ZNF791: variants seen among roughly 807,000 people sequenced by gnomAD.
ZNF791 encodes the protein zinc finger protein 791.
In ZNF791, 4 loss-of-function variants were observed where a neutral mutation model predicts 11.5. The observed-to-expected ratio is 0.35, with a 90% CI of 0.17 to 0.80. The LOEUF (loss-of-function observed/expected upper bound fraction) is 0.80, where lower values mean the gene tolerates loss of function less well. ZNF791 is among the 30% of genes least tolerant of loss of function. The probability of loss-of-function intolerance (pLI) is 0.53; values close to 1 mark genes in which losing one functional copy is unlikely to be tolerated. For missense variants in ZNF791, 559 were observed against 699.4 expected (o/e 0.80, Z 2.26); for synonymous variants, 212 against 228.1 (o/e 0.93, Z 0.64).
intron 3 of ZNF791, among the ~76,000 whole-genome samples, chr19:12,625,025 G>C (rs1197379242): frequency 6.6e-6 from 1 of 151,764 alleles, no homozygotes; most frequent in Non-Finnish European, 1.5e-5. Flanking sequence ...ACTCCAGCCT[G>C]GGCAACAGAG....
In ZNF791 at chr19:12,611,591, C is replaced by G. The variant is rs60223162; in HGVS notation, c.3+509C>G. ...ACTCTTTGTCCTGTGTGGTGCATTT[C>G]AAACACACGCAGTATTTTAATAATC... On this transcript the variant is annotated intron_variant, in intron 1 of 3. Coordinates refer to ENST00000343325, the MANE Select transcript of ZNF791 (RefSeq NM_153358.3). Among the ~76,000 whole-genome samples the G allele has an allele frequency of 5.5e-3, 843 of 152,324 alleles. 7 individuals carry two copies. The highest frequency in any genetic ancestry group is 0.02 in the African/African-American group (814 of 41,572).
At position 12,631,758 on chromosome 19, in the gene ZNF791, T is replaced by G. The variant is rs1185271235; in HGVS notation, c.*2498T>G. 1 of 152,090 alleles carries G rather than the reference T, an allele frequency of 6.6e-6. No individual in the cohort carries two copies. The highest frequency in any genetic ancestry group is 1.5e-5 in the Non-Finnish European group (1 of 68,010). The allele number at this position is 152,090 out of a possible 1,614,324, so 9.4% of individuals were successfully genotyped here. The stretch of plus-strand genomic sequence containing the variant: ...CACACCAAAAAAAAGTTAAAAATTT[T>G]TTATCACTGGCTCATTCTTCAAGTA... On this transcript the variant is annotated 3_prime_UTR_variant, in exon 4 of 4. Coordinates refer to ENST00000343325, the MANE Select transcript of ZNF791 (RefSeq NM_153358.3).
intron 1 of ZNF791, among the ~76,000 whole-genome samples, chr19:12,619,949 A>C (rs559167607): frequency 6.6e-6 from 1 of 150,810 alleles, no homozygotes; most frequent in Admixed American, 6.6e-5. Context: ...TTTGAGACGG[A>C]GTCTCGCTCT....
In ZNF791 at chr19:12,612,228, G is replaced by A. The variant is rs1221304664; in HGVS notation, c.3+1146G>A. On this transcript the variant is annotated intron_variant, in intron 1 of 3. Coordinates refer to ENST00000343325, the MANE Select transcript of ZNF791 (RefSeq NM_153358.3). The stretch of plus-strand genomic sequence containing the variant: ...TTTCTTTTTTTTTTTTTTAACAGAT[G>A]GGGTCTGGCTGTGTTGCTCAGGCTG... 3.2e-5 allele frequency: 21 copies of A among 666,516 alleles called. No individual in the cohort carries two copies. In the Admixed American group the frequency reaches 1.4e-3, roughly 43 times the overall value. The allele number at this position is 666,516 out of a possible 1,614,324, so 41.3% of individuals were successfully genotyped here.
intron 1 of ZNF791, among the ~76,000 whole-genome samples, chr19:12,622,825 C>T (rs1041832083): frequency 7.0e-6 from 1 of 143,870 alleles, no homozygotes; most frequent in Non-Finnish European, 1.5e-5. Context: ...CCTGGAGGGG[C>T]GGAGGTTGCA....
In ZNF791 at chr19:12,631,232, T is replaced by C. The variant is rs1331688021; in HGVS notation, c.*1972T>C. 6.6e-6 allele frequency: 1 copy of C among 152,256 alleles called. No individual in the cohort carries two copies. The highest frequency in any genetic ancestry group is 2.4e-5 in the African/African-American group (1 of 41,476). The allele number at this position is 152,256 out of a possible 1,614,324, so 9.4% of individuals were successfully genotyped here. A position where few individuals can be genotyped will look rare whatever the true frequency, so the allele number is the denominator to read the frequency against. On this transcript the variant is annotated 3_prime_UTR_variant, in exon 4 of 4. Transcript: ENST00000343325. ...GTACAACAACATGTTGTATGGTTTA[T>C]AGCCTAGTAGCAATAGACTGTACCA...
rs1327224795 is a variant in ZNF791 at position 12,628,126 on chromosome 19, T to G, written c.597T>G (p.Cys199Trp). ...AGCAATGTGGAAAAGCTCTTAGTTG[T>G]TCCAGTTCGCTTCGAGTTCATGAAA... ...ECKQCGKALSCSSSLRVHERI... is the reference protein window; with the variant it reads ...ECKQCGKALSWSSSLRVHERI... The change falls in exon 4 of 4, where the codon TGT becomes TGG. Residue 199 changes from cysteine (C) to tryptophan (W), a missense_variant. Coordinates refer to ENST00000343325, the MANE Select transcript of ZNF791 (RefSeq NM_153358.3). 6.2e-7 allele frequency: 1 copy of G among 1,614,104 alleles called. No homozygotes were observed. Among genetic ancestry groups the G allele is most frequent in the African/African-American group, 1.3e-5 (1 of 74,942 alleles).
intron 1 of ZNF791, among the ~76,000 whole-genome samples, chr19:12,619,964 C>T (rs939719605): frequency 1.3e-5 from 2 of 150,106 alleles, no homozygotes; most frequent in Non-Finnish European, 1.5e-5. Flanking sequence ...CGCTCTGTCG[C>T]CCAGGTTGGA....
chr19:12,611,568 T>C (rs1237640270), intron 1 of ZNF791, among the ~76,000 whole-genome samples: 2 of 152,184 alleles, frequency 1.3e-5, no homozygotes, highest in Admixed American at 6.5e-5. Flanking sequence ...CGTCACCAAC[T>C]CTTTGTCCTG....
intron 1 of ZNF791, among the ~76,000 whole-genome samples, chr19:12,617,333 C>G (rs930208091): frequency 6.6e-6 from 1 of 151,304 alleles, no homozygotes; most frequent in East Asian, 1.9e-4. Flanking sequence ...ACCATGTTGG[C>G]CAGGCTGGTC....
chr19:12,618,800 T>C (rs2023284959), intron 1 of ZNF791, among the ~76,000 whole-genome samples: 2 of 137,318 alleles, frequency 1.5e-5, no homozygotes, highest in Admixed American at 7.8e-5. Context: ...GTGATTTGTT[T>C]ACCTCTCAGT....
intron 1 of ZNF791, among the ~76,000 whole-genome samples, chr19:12,622,544 G>A (rs2023369978): frequency 6.6e-6 from 1 of 151,796 alleles, no homozygotes. Flanking sequence ...AACACTTTGG[G>A]AGGCCGGGGC....
At chr19:12,618,149 A>C (rs1289414719) in intron 1 of ZNF791, among the ~76,000 whole-genome samples, 1 of 151,820 alleles carries the variant, frequency 6.6e-6, no homozygotes, top group Non-Finnish European at 1.5e-5. Flanking sequence ...AACTCCTGAC[A>C]TCAGGTGATC....
chr19:12,626,903 C>G (rs1053783126), intron 3 of ZNF791, among the ~76,000 whole-genome samples: 3 of 152,148 alleles, frequency 2.0e-5, no homozygotes, highest in African/African-American at 7.2e-5. Context: ...CTGTGCCCGC[C>G]CAGAAACAGT....
chr19:12,627,464 T>TA (rs1308879143), intron 3 of ZNF791, among the ~76,000 whole-genome samples: 1 of 151,262 alleles, frequency 6.6e-6, no homozygotes, highest in African/African-American at 2.4e-5. Context: ...ACGGCTTTAC[T>TA]AAAAATACAA....
At chr19:12,620,185 G>A (rs2023317754) in intron 1 of ZNF791, among the ~76,000 whole-genome samples, 1 of 152,012 alleles carries the variant, frequency 6.6e-6, no homozygotes, top group South Asian at 2.1e-4. Flanking sequence ...TTACAGGTGT[G>A]AGCCACCGCA....
chr19:12,617,738 TG>T (rs889003334), intron 1 of ZNF791, among the ~76,000 whole-genome samples: 8 of 150,682 alleles, frequency 5.3e-5, no homozygotes, highest in African/African-American at 1.9e-4. Flanking sequence ...TTGTCCTTTC[TG>T]ATTTTCTACC....
At chr19:12,617,175 G>T (rs1348111175) in intron 1 of ZNF791, among the ~76,000 whole-genome samples, 1 of 148,962 alleles carries the variant, frequency 6.7e-6, no homozygotes, top group Non-Finnish European at 1.5e-5. Context: ...ACTCAGGCTG[G>T]AGTGCAGTGG....
intron 1 of ZNF791, among the ~76,000 whole-genome samples, chr19:12,622,223 C>T (rs993797462): frequency 1.5e-4 from 21 of 138,454 alleles, no homozygotes; most frequent in Non-Finnish European, 2.7e-4. Flanking sequence ...TGCGGAAGGC[C>T]GCAGGGTCCT....
Sources: allele counts gnomAD v4.1 joint callset (sites outside exome capture counted in the v4.1 genomes callset), GRCh38; gene constraint gnomAD v4.1.1; transcripts MANE v1.5; gene names NCBI Gene and HGNC (gene_info 2026-07-23, HGNC 2026-07-21).